The following IMMP2L variants were observed in gnomAD, a reference collection of about 807,000 sequenced individuals.
IMMP2L encodes inner mitochondrial membrane peptidase subunit 2.
Under a neutral mutation model 19.3 loss-of-function variants are expected in IMMP2L, and 18 were observed. The observed-to-expected ratio is 0.93, with a 90% CI of 0.64 to 1.38. The LOEUF is 1.38. Ranked by LOEUF, IMMP2L falls within the 40% of genes most tolerant of loss-of-function variation. The pLI, the probability that IMMP2L is intolerant of heterozygous loss-of-function variation, is 0.00. For synonymous variants in IMMP2L, 76 were observed against 73.0 expected, an observed-to-expected ratio of 1.04 and a Z score of -0.21; for missense variants, 233 against 218.2, an observed-to-expected ratio of 1.07 and a Z score of -0.43.
At chr7:110,697,626 G>C (rs913528125) in intron 5 of IMMP2L, among the ~76,000 whole-genome samples, 1 of 152,004 alleles carries the variant, frequency 6.6e-6, no homozygotes, top group Admixed American at 6.6e-5. Context: ...AACATAGTGA[G>C]ATCCTGTCTC....
chr7:110,865,044 AT>A (rs542340797), intron 5 of IMMP2L, among the ~76,000 whole-genome samples: 8 of 152,054 alleles, frequency 5.3e-5, no homozygotes, highest in Non-Finnish European at 8.8e-5. Flanking sequence ...GGATGTTCAA[AT>A]ATTTAACTAT....
chr7:111,547,597 C>T (rs1215732475), intron 1 of IMMP2L, among the ~76,000 whole-genome samples: 1 of 150,846 alleles, frequency 6.6e-6, no homozygotes, highest in East Asian at 2.0e-4. Flanking sequence ...GTTCTGTCAC[C>T]CAGGCTGGAG....
At chr7:111,411,406 G>T in intron 3 of IMMP2L, 3 of 489,622 alleles carry the variant, frequency 6.1e-6, no homozygotes, top group South Asian at 4.5e-5. Context: ...CCGTGAAAGT[G>T]ACCATCAAGA....
chr7:111,481,859 TCA>T (rs1842221612), intron 3 of IMMP2L, among the ~76,000 whole-genome samples: 3 of 152,266 alleles, frequency 2.0e-5, no homozygotes, highest in African/African-American at 7.2e-5. Context: ...AAAATGTATG[TCA>T]CATGTGTAAT....
intron 5 of IMMP2L, among the ~76,000 whole-genome samples, chr7:110,799,643 T>A (rs1801108987): frequency 6.6e-6 from 1 of 152,050 alleles, no homozygotes; most frequent in Non-Finnish European, 1.5e-5. Flanking sequence ...AGTATATAAT[T>A]TCTGGAAGAA....
chr7:111,006,845 A>G (rs185761410), intron 3 of IMMP2L, among the ~76,000 whole-genome samples: 2 of 152,156 alleles, frequency 1.3e-5, no homozygotes, highest in Admixed American at 1.3e-4. Context: ...CCTTTCCATC[A>G]CTGACTTCAT....
intron 5 of IMMP2L, among the ~76,000 whole-genome samples, chr7:110,759,694 T>C (rs539100901): frequency 1.1e-3 from 170 of 152,252 alleles, no homozygotes; most frequent in African/African-American, 3.9e-3. Flanking sequence ...GACTTAGGGA[T>C]TTACTTGTTT....
chr7:111,111,402 T>TTC (rs1554519151), intron 3 of IMMP2L, among the ~76,000 whole-genome samples: 7 of 112,606 alleles, frequency 6.2e-5, no homozygotes, highest in African/African-American at 1.9e-4. Flanking sequence ...CTGCTTTCCA[T>TTC]CCCCCCCCAA....
intron 5 of IMMP2L, among the ~76,000 whole-genome samples, chr7:110,798,791 G>A (rs1236350683): frequency 6.6e-6 from 1 of 151,704 alleles, no homozygotes; most frequent in African/African-American, 2.4e-5. Context: ...TGATTAAAGG[G>A]AAACATCTCC....
intron 3 of IMMP2L, among the ~76,000 whole-genome samples, chr7:111,310,976 A>G (rs1823453802): frequency 6.6e-6 from 1 of 152,176 alleles, no homozygotes; most frequent in South Asian, 2.1e-4. Flanking sequence ...AGTATGTGCT[A>G]AAAATCTCTT....
At chr7:111,041,200 A>T (rs1791862538) in intron 3 of IMMP2L, among the ~76,000 whole-genome samples, 1 of 152,150 alleles carries the variant, frequency 6.6e-6, no homozygotes, top group African/African-American at 2.4e-5. Context: ...TTTTTCATTA[A>T]AAAATATGTA....
Position 110,892,057 on chromosome 7 carries a change from A to T in IMMP2L, c.306-5362T>A, listed in dbSNP as rs533337363. ...GCACTTTGATGTGCTAAACTGAAGA[A>T]GCCTCGAGGTCTCTCTGACCTCCTT... On this transcript the variant is annotated intron_variant, in intron 4 of 5. Coordinates refer to ENST00000405709, the MANE Select transcript of IMMP2L (RefSeq NM_032549.4). 1.2e-4 allele frequency among the ~76,000 whole-genome samples: 19 copies of T among 152,246 alleles called. No individual in the cohort carries two copies. The South Asian group carries it at 3.3e-3, about 27-fold the overall frequency.
chr7:110,878,976 CAT>C (rs1294443555), intron 5 of IMMP2L, among the ~76,000 whole-genome samples: 2 of 152,248 alleles, frequency 1.3e-5, no homozygotes, highest in East Asian at 3.9e-4. Context: ...AATATTTAGA[CAT>C]GTAGTATTTA....
chr7:111,361,750 C>T (rs778985713), intron 3 of IMMP2L, among the ~76,000 whole-genome samples: 2 of 152,056 alleles, frequency 1.3e-5, no homozygotes, highest in Non-Finnish European at 2.9e-5. Context: ...TTTATCATAA[C>T]CTGTATGTCA....
chr7:110,751,610 A>G (rs930275264), intron 5 of IMMP2L, among the ~76,000 whole-genome samples: 1 of 152,070 alleles, frequency 6.6e-6, no homozygotes, highest in African/African-American at 2.4e-5. Context: ...ATAAATTGTA[A>G]TAAGGTAAAG....
rs568336386 is a variant in IMMP2L, at chr7:111,335,490, T to A, written c.239+151748A>T. Among the ~76,000 whole-genome samples the A allele has an allele frequency of 4.6e-5, 7 of 152,200 alleles. 1 individual carries two copies. The highest frequency in any genetic ancestry group is 4.6e-4 in the Admixed American group (7 of 15,256). On this transcript the variant is annotated intron_variant, in intron 3 of 5. Transcript: ENST00000405709. ...TCAAAATAAAAATAGGTAAAAGTTA[T>A]CAACGTGAAATTTACAGGTGAAATA...
intron 5 of IMMP2L, among the ~76,000 whole-genome samples, chr7:110,741,316 A>C (rs968970288): frequency 9.9e-5 from 15 of 152,250 alleles, no homozygotes; most frequent in Admixed American, 9.8e-4. Flanking sequence ...ATAAAATAAA[A>C]TACAAATAAA....
intron 5 of IMMP2L, among the ~76,000 whole-genome samples, chr7:110,874,161 A>G (rs1264153979): frequency 6.6e-6 from 1 of 152,150 alleles, no homozygotes; most frequent in Non-Finnish European, 1.5e-5. Context: ...TAAAGCAGAC[A>G]TATTAGGCAA....
intron 3 of IMMP2L, among the ~76,000 whole-genome samples, chr7:111,433,195 G>A (rs1836811510): frequency 6.6e-6 from 1 of 151,708 alleles, no homozygotes; most frequent in Admixed American, 6.6e-5. Context: ...GCCAGAAGGG[G>A]AAATGCCAGA....
Sources: allele counts gnomAD v4.1 joint callset (sites outside exome capture counted in the v4.1 genomes callset), GRCh38; gene constraint gnomAD v4.1.1; transcripts MANE v1.5; gene names NCBI Gene and HGNC (gene_info 2026-07-23, HGNC 2026-07-21).